Variants in ATP6V1C1 observed in about 807,000 individuals in gnomAD.
The protein encoded by ATP6V1C1 is ATPase H+ transporting V1 subunit C1.
Under a neutral mutation model 53.9 loss-of-function variants are expected in ATP6V1C1, and 45 were observed. That is an observed-to-expected ratio of 0.83 (90% CI 0.66 to 1.07). The LOEUF (loss-of-function observed/expected upper bound fraction) is 1.07, where lower values mean the gene tolerates loss of function less well. ATP6V1C1 is among the 50% of genes least tolerant of loss of function. The pLI is 0.00. For synonymous variants in ATP6V1C1, 153 were observed against 155.2 expected (o/e 0.99, Z 0.11); for missense variants, 315 against 440.3 (o/e 0.72, Z 2.55).
chr8:103,025,104 G>C (rs1009334332), intron 1 of ATP6V1C1, among the ~76,000 whole-genome samples: 5 of 152,094 alleles, frequency 3.3e-5, no homozygotes, highest in African/African-American at 1.2e-4. Flanking sequence ...TGCTAGGTAA[G>C]TGATGTTTTA....
intron 3 of ATP6V1C1, among the ~76,000 whole-genome samples, chr8:103,042,840 G>A (rs964484891): frequency 6.6e-6 from 1 of 152,102 alleles, no homozygotes; most frequent in Admixed American, 6.5e-5. Context: ...TCTTGTAAAT[G>A]GAATACAATA....
chr8:103,058,451 G>T (rs1396763913), intron 8 of ATP6V1C1, among the ~76,000 whole-genome samples: 5 of 152,196 alleles, frequency 3.3e-5, no homozygotes, highest in African/African-American at 1.2e-4. Flanking sequence ...GCTTTTTTGA[G>T]TGAGCCTGGA....
rs1167475980 is a variant in ATP6V1C1, at chr8:103,070,432, G to A, written c.*1685G>A. On this transcript the variant is annotated 3_prime_UTR_variant, in exon 13 of 13. Transcript: ENST00000518738. ...TCTAAACTAAAGACATGTTTGGAGT[G>A]TGGATTTATCTTCAGTTTTTCTTTG... 1 of 152,216 alleles carries A rather than the reference G, an allele frequency of 6.6e-6. No individual in the cohort carries two copies. The highest frequency in any genetic ancestry group is 1.5e-5 in the Non-Finnish European group (1 of 68,036). 9.4% of individuals were successfully genotyped at this position (152,216 alleles called of 1,614,324 possible).
intron 1 of ATP6V1C1, among the ~76,000 whole-genome samples, chr8:103,039,407 A>G (rs1816954458): frequency 6.6e-6 from 1 of 152,218 alleles, no homozygotes; most frequent in African/African-American, 2.4e-5. Context: ...GTAATTATGA[A>G]AGTCCATTAT....
intron 3 of ATP6V1C1, among the ~76,000 whole-genome samples, chr8:103,045,576 A>G (rs1005605772): frequency 6.6e-6 from 1 of 152,218 alleles, no homozygotes; most frequent in African/African-American, 2.4e-5. Flanking sequence ...AGTGAAAATA[A>G]TTATGATGCA....
chr8:103,064,874 C>T, intron 11 of ATP6V1C1, 63 bp downstream of exon 11: 3 of 1,425,384 alleles, frequency 2.1e-6, no homozygotes, highest in Non-Finnish European at 2.9e-6. Flanking sequence ...CATTGGACCT[C>T]TTTATTATAA....
At chr8:103,068,337 A>G (rs1817530818) in intron 12 of ATP6V1C1, among the ~76,000 whole-genome samples, 1 of 152,218 alleles carries the variant, frequency 6.6e-6, no homozygotes, top group Admixed American at 6.5e-5. Flanking sequence ...CAGTATTCTA[A>G]GTCCAAGATT....
chr8:103,067,744 C>G (rs777320485), intron 12 of ATP6V1C1, among the ~76,000 whole-genome samples: 1 of 151,428 alleles, frequency 6.6e-6, no homozygotes, highest in Non-Finnish European at 1.5e-5. Flanking sequence ...GGGATTATGC[C>G]TGGCTAATTT....
At chr8:103,034,419 G>A (rs993654317) in intron 1 of ATP6V1C1, among the ~76,000 whole-genome samples, 1 of 151,544 alleles carries the variant, frequency 6.6e-6, no homozygotes, top group Non-Finnish European at 1.5e-5. Flanking sequence ...CACTAATTTT[G>A]ACAATTTGTT....
intron 7 of ATP6V1C1, among the ~76,000 whole-genome samples, chr8:103,055,032 AT>A (rs1817265997): frequency 1.3e-5 from 2 of 152,040 alleles, no homozygotes; most frequent in African/African-American, 4.8e-5. Flanking sequence ...AAATCTAAGG[AT>A]TTCACTCCAG....
intron 10 of ATP6V1C1, 45 bp downstream of exon 10, chr8:103,063,273 A>G (rs1437014248): frequency 7.8e-7 from 1 of 1,274,786 alleles, no homozygotes; most frequent in African/African-American, 1.5e-5. Context: ...AAGCAGAAGA[A>G]AAAGTGGTAT....
At chr8:103,034,563 A>G (rs1360115595) in intron 1 of ATP6V1C1, among the ~76,000 whole-genome samples, 1 of 141,858 alleles carries the variant, frequency 7.0e-6, no homozygotes, top group Non-Finnish European at 1.5e-5. Flanking sequence ...TTAAATTTCA[A>G]GGATAATTTT....
chr8:103,029,282 T>C (rs1164904591), intron 1 of ATP6V1C1, among the ~76,000 whole-genome samples: 3 of 149,608 alleles, frequency 2.0e-5, no homozygotes, highest in African/African-American at 7.4e-5. Context: ...TCTCTCTCTC[T>C]TCTTTTTTTT....
intron 4 of ATP6V1C1, among the ~76,000 whole-genome samples, chr8:103,049,949 C>A: frequency 6.6e-6 from 1 of 151,154 alleles, no homozygotes. Flanking sequence ...AGAGCAAGAC[C>A]CTGTCTCAAA....
At chr8:103,053,861 A>C (rs1461755779) in intron 6 of ATP6V1C1, 23 bp from the exon 7 acceptor site, 4 of 1,539,876 alleles carry the variant, frequency 2.6e-6, no homozygotes, top group Non-Finnish European at 3.6e-6. Flanking sequence ...TTATCAGCCT[A>C]ATGATTTGTT....
chr8:103,055,942 T>A lies in ATP6V1C1; in HGVS notation c.641+6T>A. The A allele has an allele frequency of 5.6e-6, 9 of 1,610,064 alleles. No individual in the cohort carries two copies. The highest frequency in any genetic ancestry group is 7.6e-6 in the Non-Finnish European group (9 of 1,176,966). The stretch of plus-strand genomic sequence containing the variant: ...GTAGTTCCAAGGTCTAGCAAGTAAG[T>A]AGAAGTCTTTGTAAAACCATTTGTT... On this transcript the variant is annotated splice_donor_region_variant and intron_variant, in intron 8 of 12. Coordinates refer to ENST00000518738, the MANE Select transcript of ATP6V1C1 (RefSeq NM_001695.5).
At chr8:103,046,826 A>G (rs1016041174) in intron 3 of ATP6V1C1, among the ~76,000 whole-genome samples, 5 of 152,226 alleles carry the variant, frequency 3.3e-5, no homozygotes, top group African/African-American at 9.6e-5. Context: ...ATTAGAGCAG[A>G]TATTTTTGAG....
chr8:103,034,450 A>G (rs1314563541), intron 1 of ATP6V1C1, among the ~76,000 whole-genome samples: 2 of 152,170 alleles, frequency 1.3e-5, no homozygotes, highest in South Asian at 2.1e-4. Context: ...TGAGAGAAAA[A>G]GGGAAATATG....
At chr8:103,060,873 T>TAGGTAACCTGTTCATTG (rs535477671) in intron 8 of ATP6V1C1, among the ~76,000 whole-genome samples, 153 of 152,342 alleles carry the variant, frequency 1.0e-3, no homozygotes, top group Non-Finnish European at 1.0e-4. Context: ...ACCTGCTTAA[T>TAGGTAACCTGTTCATTG]AGGTAACCTG....
Sources: allele counts gnomAD v4.1 joint callset (sites outside exome capture counted in the v4.1 genomes callset), GRCh38; gene constraint gnomAD v4.1.1; transcripts MANE v1.5; gene names NCBI Gene and HGNC (gene_info 2026-07-23, HGNC 2026-07-21).